The following IP6K1 variants were observed in gnomAD, a reference collection of about 807,000 sequenced individuals.
IP6K1 encodes the protein ATP:1D-myo-inositol-hexakisphosphate phosphotransferase.
A neutral mutation model predicts 38.3 loss-of-function variants in IP6K1; 13 were observed. The ratio of observed to expected loss-of-function variants is 0.34; its 90% CI spans 0.22 to 0.54. The LOEUF is 0.54. IP6K1 is among the 20% of genes least tolerant of loss of function. The pLI is 0.92. For synonymous variants in IP6K1, 212 were observed against 229.9 expected (o/e 0.92, Z 0.70); for missense variants, 397 against 599.8 (o/e 0.66, Z 3.53).
chr3:49,754,744 T>TA (rs2080808071), intron 1 of IP6K1, among the ~76,000 whole-genome samples: 1 of 152,152 alleles, frequency 6.6e-6, no homozygotes, highest in Non-Finnish European at 1.5e-5. Context: ...AGGAAGGCAC[T>TA]GTCTCTACAG....
At chr3:49,747,335 T>A (rs1220798600) in intron 2 of IP6K1, among the ~76,000 whole-genome samples, 1 of 152,230 alleles carries the variant, frequency 6.6e-6, no homozygotes, top group Non-Finnish European at 1.5e-5. Flanking sequence ...TATTTTAAAA[T>A]AAATTATTTT....
chr3:49,784,451 C>A (rs2081093600), intron 1 of IP6K1, among the ~76,000 whole-genome samples: 1 of 151,270 alleles, frequency 6.6e-6, no homozygotes, highest in Non-Finnish European at 1.5e-5. Flanking sequence ...TCGAGATCAG[C>A]CTGAACAACA....
intron 1 of IP6K1, 112 bp from the exon 2 acceptor site, chr3:49,748,280 C>A: frequency 1.8e-6 from 1 of 549,206 alleles, no homozygotes; most frequent in South Asian, 2.1e-5. Context: ...CTATGTGTAT[C>A]CCTAGCACGT....
chr3:49,779,251 C>T (rs1192445712), intron 1 of IP6K1, among the ~76,000 whole-genome samples: 1 of 152,202 alleles, frequency 6.6e-6, no homozygotes, highest in Non-Finnish European at 1.5e-5. Context: ...TATCTGACTT[C>T]TTTCACTTTA....
chr3:49,727,792 G>T lies in IP6K1; in HGVS notation c.793-137C>A. The T allele has an allele frequency of 1.1e-6, 1 of 895,688 alleles. No individual in the cohort carries two copies. The highest frequency in any genetic ancestry group is 2.7e-5 in the East Asian group (1 of 37,696). The allele number at this position is 895,688 out of a possible 1,614,324, so 55.5% of individuals were successfully genotyped here. ...CACCTATCTAAGTGGAACCAGGCAG[G>T]CCACATTCACCCTGGGTTTTCCCAT... On this transcript the variant is annotated intron_variant, in intron 5 of 5. Coordinates refer to ENST00000321599, the MANE Select transcript of IP6K1 (RefSeq NM_153273.4). This position sits in a 1 kb window ranked among gnomAD's most constrained non-coding sequence, Gnocchi z 5.9.
chr3:49,745,770 G>A (rs539164441), intron 2 of IP6K1, among the ~76,000 whole-genome samples: 6 of 146,682 alleles, frequency 4.1e-5, no homozygotes, highest in South Asian at 4.4e-4. Context: ...CAGAAGAATC[G>A]CTTGAACACG....
chr3:49,728,494 A>G (rs2080532232), intron 4 of IP6K1: 1 of 553,666 alleles, frequency 1.8e-6, no homozygotes, highest in Non-Finnish European at 3.2e-6. Context: ...TTTTAAGTGT[A>G]CAATTCAGTG....
rs1035371659 is a variant in IP6K1 at position 49,725,169 on chromosome 3, G to A, written c.*1953C>T. The A allele has an allele frequency of 1.3e-5, 2 of 152,684 alleles. No individual in the cohort carries two copies. The highest frequency in any genetic ancestry group is 4.8e-5 in the African/African-American group (2 of 41,454). 9.5% of individuals were successfully genotyped at this position (152,684 alleles called of 1,614,324 possible). A position where few individuals can be genotyped will look rare whatever the true frequency, so the allele number is the denominator to read the frequency against. On this transcript the variant is annotated 3_prime_UTR_variant, in exon 6 of 6. Transcript: ENST00000321599. ...TGCCAGGAAAATACTGAATGTAAGT[G>A]GGTGCAGCTTTGCTCGCTGTGAGGA...
chr3:49,726,740 T>G lies in IP6K1; in HGVS notation c.*382A>C, dbSNP rs2080506309. On this transcript the variant is annotated 3_prime_UTR_variant, in exon 6 of 6. Coordinates refer to ENST00000321599, the MANE Select transcript of IP6K1 (RefSeq NM_153273.4). ...GGGAAGAGTGGGCGTGGAGGGGCCC[T>G]GCACCAGCCCAGGGCTTTACCTTAC... 6.6e-6 allele frequency: 2 copies of G among 302,494 alleles called. No homozygotes were observed. The highest frequency in any genetic ancestry group is 1.2e-5 in the Non-Finnish European group (2 of 165,584). The allele number at this position is 302,494 out of a possible 1,614,324, so 18.7% of individuals were successfully genotyped here.
intron 1 of IP6K1, among the ~76,000 whole-genome samples, chr3:49,758,850 C>T (rs1322979063): frequency 6.6e-6 from 1 of 151,826 alleles, no homozygotes; most frequent in Admixed American, 6.6e-5. Context: ...ATCCCAGCTA[C>T]TCTGGGAGGC....
intron 2 of IP6K1, among the ~76,000 whole-genome samples, chr3:49,746,216 G>T (rs1044926372): frequency 6.6e-6 from 1 of 151,766 alleles, no homozygotes; most frequent in Non-Finnish European, 1.5e-5. Context: ...ATACCCAAAA[G>T]AATTAAAAGC....
chr3:49,733,306 C>T (rs79626442), intron 3 of IP6K1, among the ~76,000 whole-genome samples: 1,767 of 152,308 alleles, frequency 0.012, 38 homozygotes, highest in African/African-American at 0.039. Flanking sequence ...TTAGAACTCT[C>T]GTACACTGCT....
chr3:49,739,605 G>A (rs952582925), intron 2 of IP6K1, among the ~76,000 whole-genome samples: 3 of 151,820 alleles, frequency 2.0e-5, no homozygotes, highest in African/African-American at 4.8e-5. Context: ...CACCCGTCTC[G>A]GCCTCCCAAA....
chr3:49,778,705 A>T (rs1322415860), intron 1 of IP6K1, among the ~76,000 whole-genome samples: 4 of 152,096 alleles, frequency 2.6e-5, no homozygotes, highest in Non-Finnish European at 5.9e-5. Flanking sequence ...AGCTCACTGC[A>T]GCCTCAAAAT....
intron 1 of IP6K1, among the ~76,000 whole-genome samples, chr3:49,784,532 C>G (rs780309649): frequency 6.6e-6 from 1 of 151,862 alleles, no homozygotes; most frequent in Non-Finnish European, 1.5e-5. Flanking sequence ...GTAATCCCAG[C>G]TACTTGGGAG....
chr3:49,758,829 G>A (rs146885803), intron 1 of IP6K1, among the ~76,000 whole-genome samples: 16 of 152,012 alleles, frequency 1.1e-4, no homozygotes, highest in Middle Eastern at 3.4e-3. Flanking sequence ...GTGTGGTGGC[G>A]CATGTCTGTA....
intron 2 of IP6K1, among the ~76,000 whole-genome samples, chr3:49,742,324 C>A (rs548196261): frequency 2.0e-5 from 3 of 151,922 alleles, no homozygotes; most frequent in Admixed American, 6.6e-5. Flanking sequence ...CTGAGGGGGG[C>A]GGATCACGAG....
chr3:49,726,962 T>C lies in IP6K1; in HGVS notation c.*160A>G. On this transcript the variant is annotated 3_prime_UTR_variant, in exon 6 of 6. Transcript: ENST00000321599. ...GTGGTCTGCCCTCCTTCACTTTATA[T>C]ATATGGATTCCAGGCTACAGCTAAA... 1.4e-6 allele frequency: 1 copy of C among 734,642 alleles called. No individual in the cohort carries two copies. The highest frequency in any genetic ancestry group is 2.2e-6 in the Non-Finnish European group (1 of 458,810). 45.5% of individuals were successfully genotyped at this position (734,642 alleles called of 1,614,324 possible).
At chr3:49,735,679 A>T (rs2080604292) in intron 3 of IP6K1, among the ~76,000 whole-genome samples, 1 of 152,186 alleles carries the variant, frequency 6.6e-6, no homozygotes, top group Non-Finnish European at 1.5e-5. Context: ...ATGGGAAATG[A>T]CACATAACCC....
Sources: gnomAD v4.1 joint callset for allele counts (sites outside exome capture counted in the v4.1 genomes callset) on GRCh38, gnomAD v4.1.1 for gene constraint, Gnocchi (gnomAD v3.1) non-coding constraint, MANE v1.5 for transcripts, NCBI Gene and HGNC (gene_info 2026-07-23, HGNC 2026-07-21) for gene names.